ADRA1B: variants seen among roughly 807,000 people sequenced by gnomAD.
The protein encoded by ADRA1B is adrenoceptor alpha 1B, also known as alpha-1B adrenergic receptor.
Under a neutral mutation model 17.9 loss-of-function variants are expected in ADRA1B, and 17 were observed. That is an observed-to-expected ratio of 0.95 (90% confidence interval 0.65 to 1.42). The LOEUF is 1.42. Ranked by LOEUF, ADRA1B falls within the 40% of genes most tolerant of loss-of-function variation. The pLI is 0.00. For synonymous variants in ADRA1B, 366 were observed against 327.6 expected (o/e 1.12, Z -1.27); for missense variants, 681 against 722.1 (o/e 0.94, Z 0.65).
chr5:159,923,875 C>G (rs1754563602), intron 1 of ADRA1B, among the ~76,000 whole-genome samples: 1 of 152,252 alleles, frequency 6.6e-6, no homozygotes, highest in Non-Finnish European at 1.5e-5. Context: ...CAAGTCCTCC[C>G]CATGCCTAGA....
At chr5:159,913,171 T>C (rs968655244), upstream of ADRA1B, among the ~76,000 whole-genome samples, 2 of 152,208 alleles carry the variant, frequency 1.3e-5, no homozygotes, top group Admixed American at 6.5e-5. Context: ...AGGTTTCTAA[T>C]GCAATAAGAT....
chr5:159,944,414 A>G (rs1755215788), intron 1 of ADRA1B, among the ~76,000 whole-genome samples: 1 of 152,264 alleles, frequency 6.6e-6, no homozygotes, highest in Non-Finnish European at 1.5e-5. Context: ...AAGTAGCACA[A>G]GATCTCTGTT....
In ADRA1B at chr5:159,972,327, C is replaced by A; in HGVS notation, c.1398C>A (p.Gly466=). 1 of 1,440,438 alleles carries A rather than the reference C, an allele frequency of 6.9e-7. No individual in the cohort carries two copies. The highest frequency in any genetic ancestry group is 1.4e-5 in the South Asian group (1 of 72,354). 89.2% of individuals were successfully genotyped at this position (1,440,438 alleles called of 1,614,324 possible). The part of the protein sequence containing the change: ...LPAPEPPGRR[G]RHDSGPLFTF... ...CGCCTGAGCCCCCCGGCCGCCGCGG[C>A]CGCCACGACTCGGGCCCGCTCTTCA... The change falls in exon 2 of 2, where the codon GGC becomes GGA. Residue 466 remains glycine (G), a synonymous_variant. Coordinates refer to ENST00000306675, the MANE Select transcript of ADRA1B (RefSeq NM_000679.4).
the ADRA1B span, among the ~76,000 whole-genome samples, chr5:159,988,227 G>A: frequency 6.6e-6 from 1 of 152,168 alleles, no homozygotes; most frequent in Non-Finnish European, 1.5e-5. Flanking sequence ...AAAGGAGGCC[G>A]TGAGCCAAAG....
intron 1 of ADRA1B, among the ~76,000 whole-genome samples, chr5:159,934,027 T>C (rs1373890341): frequency 6.6e-6 from 1 of 152,236 alleles, no homozygotes; most frequent in Non-Finnish European, 1.5e-5. Context: ...AAAATTCGGA[T>C]TGGCCCTGGA....
chr5:159,903,371 A>G (rs1247456032), intron 1 of ADRA1B, among the ~76,000 whole-genome samples: 2 of 152,198 alleles, frequency 1.3e-5, no homozygotes, highest in African/African-American at 4.8e-5. Context: ...AAATGACGCA[A>G]TATACTAAAC....
At chr5:159,953,904 G>C (rs1334970897) in intron 1 of ADRA1B, among the ~76,000 whole-genome samples, 1 of 151,718 alleles carries the variant, frequency 6.6e-6, no homozygotes, top group Admixed American at 6.6e-5. Context: ...AAAAAAAAAA[G>C]AAAGAAAATG....
In ADRA1B at chr5:159,895,180, G is replaced by A. The variant is rs554396745; in HGVS notation, c.-255-20939G>A. On this transcript the variant is annotated intron_variant, in intron 1 of 2. Transcript: ENST00000641205. ...TTGACCTAGGCCGACAAGTGGAGCC[G>A]GCTGGAGCCTGATGCTCTTCCTCTC... 1.9e-4 allele frequency among the ~76,000 whole-genome samples: 29 copies of A among 152,290 alleles called. 1 individual carries two copies. In the South Asian group the frequency reaches 3.3e-3, roughly 17 times the overall value.
At chr5:159,954,614 G>A (rs1755518373) in intron 1 of ADRA1B, among the ~76,000 whole-genome samples, 1 of 152,168 alleles carries the variant, frequency 6.6e-6, no homozygotes, top group African/African-American at 2.4e-5. Flanking sequence ...TGGAGCCCAT[G>A]AGTCAGGAGA....
Position 159,972,658 on chromosome 5 carries a change from T to C in ADRA1B, c.*166T>C. 1.2e-6 allele frequency: 1 copy of C among 827,474 alleles called. No individual in the cohort carries two copies. Among genetic ancestry groups the C allele is most frequent in the Non-Finnish European group, 1.7e-6 (1 of 579,964 alleles). 51.3% of individuals were successfully genotyped at this position (827,474 alleles called of 1,614,324 possible). ...GGCAGCTGCTTTTCTGGCAGGGGCA[T>C]GGGTGCCAGGTACCACGCGGAAAGC... On this transcript the variant is annotated 3_prime_UTR_variant, in exon 2 of 2. Transcript: ENST00000306675.
the ADRA1B span, among the ~76,000 whole-genome samples, chr5:159,980,646 A>T: frequency 4.6e-5 from 7 of 152,150 alleles, no homozygotes; most frequent in African/African-American, 1.4e-4. Context: ...AGACTGGCAG[A>T]ATAATAGAAT....
intron 1 of ADRA1B, among the ~76,000 whole-genome samples, chr5:159,900,561 G>A (rs1281439645): frequency 6.6e-6 from 1 of 152,178 alleles, no homozygotes; most frequent in Non-Finnish European, 1.5e-5. Context: ...TATTTTTATA[G>A]ATGTATTTGT....
chr5:159,923,473 C>T (rs1380293589), intron 1 of ADRA1B, among the ~76,000 whole-genome samples: 1 of 152,168 alleles, frequency 6.6e-6, no homozygotes, highest in Non-Finnish European at 1.5e-5. Flanking sequence ...TAAGAGAGTC[C>T]GCAAGAGAGG....
chr5:159,971,802 A>T, intron 1 of ADRA1B, 77 bp from the exon 2 acceptor site: 2 of 1,297,082 alleles, frequency 1.5e-6, no homozygotes, highest in Non-Finnish European at 2.0e-6. Flanking sequence ...TGTTGAGGAG[A>T]AGCATATTGG....
chr5:159,983,283 G>C, the ADRA1B span, among the ~76,000 whole-genome samples: 1 of 152,164 alleles, frequency 6.6e-6, no homozygotes, highest in Non-Finnish European at 1.5e-5. Flanking sequence ...CCAGGGCTGT[G>C]ATCTGTCCAA....
intron 1 of ADRA1B, among the ~76,000 whole-genome samples, chr5:159,923,050 G>A (rs1317796796): frequency 6.6e-6 from 1 of 152,262 alleles, no homozygotes; most frequent in Non-Finnish European, 1.5e-5. Flanking sequence ...GAAGGGGGCT[G>A]ATAGAGGAAG....
chr5:159,924,858 C>T (rs564187446), intron 1 of ADRA1B, among the ~76,000 whole-genome samples: 1 of 152,336 alleles, frequency 6.6e-6, no homozygotes, highest in African/African-American at 2.4e-5. Flanking sequence ...TTCCTAACCA[C>T]ATTTGATAAT....
In ADRA1B at chr5:159,917,341, G is replaced by A. The variant is rs765489457; in HGVS notation, c.436G>A (p.Gly146Arg). The A allele has an allele frequency of 6.2e-7, 1 of 1,613,920 alleles. No homozygotes were observed. The highest frequency in any genetic ancestry group is 8.5e-7 in the Non-Finnish European group (1 of 1,180,006). ...LCAISIDRYIGVRYSLQYPTL... is the reference protein window; with the variant it reads ...LCAISIDRYIRVRYSLQYPTL... ...CGCCATCTCCATCGATCGCTACATC[G>A]GGGTGCGCTACTCTCTGCAGTATCC... Residue 146 changes from glycine (G) to arginine (R), a missense_variant, in exon 1 of 2, where the codon GGG becomes AGG. By Grantham distance (125) the Gly-to-Arg change is moderately radical. Around this residue, in one of 3 missense-constraint regions of ADRA1B, gnomAD observed 424 missense variants for 480.2 expected, o/e 0.88. Transcript: ENST00000306675.
chr5:159,896,745 C>A (rs1395566780), intron 1 of ADRA1B, among the ~76,000 whole-genome samples: 1 of 152,166 alleles, frequency 6.6e-6, no homozygotes, highest in African/African-American at 2.4e-5. Flanking sequence ...TGTAACAACC[C>A]CCTTGACAAA....
Sources: allele counts gnomAD v4.1 joint callset (sites outside exome capture counted in the v4.1 genomes callset), GRCh38; gene constraint gnomAD v4.1.1; regional missense constraint gnomAD v4.1.1; transcripts MANE v1.5; gene names NCBI Gene and HGNC (gene_info 2026-07-23, HGNC 2026-07-21).